SLC35F3: variants seen among roughly 807,000 people sequenced by gnomAD.
The protein encoded by SLC35F3 is solute carrier family 35 member F3.
A neutral mutation model predicts 49.9 loss-of-function variants in SLC35F3; 25 were observed. That is an observed-to-expected ratio of 0.50 (90% CI 0.37 to 0.70). The LOEUF is 0.70. Among genes scored for constraint, SLC35F3 ranks in the 30% least tolerant of loss-of-function variants. SLC35F3 has a pLI of 0.00. For synonymous variants in SLC35F3, 275 were observed against 265.4 expected (o/e 1.04, Z -0.35); for missense variants, 525 against 639.8 (o/e 0.82, Z 1.94).
chr1:233,974,737 C>A (rs1663052086), intron 2 of SLC35F3, among the ~76,000 whole-genome samples: 1 of 152,184 alleles, frequency 6.6e-6, no homozygotes, highest in Admixed American at 6.5e-5. Context: ...AAACGTGCAG[C>A]AAAGACATTT....
chr1:234,177,020 T>C (rs1379902630), intron 2 of SLC35F3, among the ~76,000 whole-genome samples: 1 of 152,212 alleles, frequency 6.6e-6, no homozygotes, highest in African/African-American at 2.4e-5. Flanking sequence ...TCTTGAATTG[T>C]AATTCCCACA....
chr1:234,302,086 G>A (rs1234615356), intron 3 of SLC35F3, among the ~76,000 whole-genome samples: 1 of 152,100 alleles, frequency 6.6e-6, no homozygotes, highest in Non-Finnish European at 1.5e-5. Flanking sequence ...GTCAATAGGT[G>A]CAGCAAACCA....
intron 2 of SLC35F3, among the ~76,000 whole-genome samples, chr1:233,991,982 C>T (rs932043163): frequency 6.6e-6 from 1 of 152,144 alleles, no homozygotes; most frequent in African/African-American, 2.4e-5. Flanking sequence ...TGGATAATTG[C>T]TCAAGCCTCC....
chr1:233,921,911 C>A (rs923014293), intron 2 of SLC35F3, among the ~76,000 whole-genome samples: 1 of 150,640 alleles, frequency 6.6e-6, no homozygotes, highest in Non-Finnish European at 1.5e-5. Context: ...TCTGTCCTTG[C>A]GATAGTTTGC....
intron 2 of SLC35F3, among the ~76,000 whole-genome samples, chr1:234,108,259 TTA>T (rs1329265250): frequency 1.0e-4 from 9 of 89,188 alleles, no homozygotes; most frequent in Admixed American, 4.2e-4. Context: ...ATATATATAT[TTA>T]TATATATAAA....
intron 3 of SLC35F3, among the ~76,000 whole-genome samples, chr1:234,303,814 G>A (rs1225076993): frequency 6.6e-6 from 1 of 151,922 alleles, no homozygotes; most frequent in Admixed American, 6.6e-5. Flanking sequence ...CCTTGTTGTG[G>A]TTCTTTCTTT....
intron 2 of SLC35F3, among the ~76,000 whole-genome samples, chr1:234,034,449 T>G (rs1207101077): frequency 1.3e-5 from 2 of 152,238 alleles, no homozygotes; most frequent in African/African-American, 4.8e-5. Context: ...TTCCAACTTT[T>G]CCCCATTCAG....
chr1:234,094,597 TA>T (rs1665090598), intron 2 of SLC35F3, among the ~76,000 whole-genome samples: 1 of 152,214 alleles, frequency 6.6e-6, no homozygotes, highest in South Asian at 2.1e-4. Context: ...GGACACTGTC[TA>T]ACCATTAGTG....
chr1:233,966,729 A>G (rs1397211682), intron 2 of SLC35F3, among the ~76,000 whole-genome samples: 1 of 152,266 alleles, frequency 6.6e-6, no homozygotes, highest in Non-Finnish European at 1.5e-5. Flanking sequence ...TTTCTAAATC[A>G]TAGAAAGCCT....
At chr1:234,311,253 T>A (rs1657347834) in intron 4 of SLC35F3, among the ~76,000 whole-genome samples, 1 of 152,248 alleles carries the variant, frequency 6.6e-6, no homozygotes, top group Non-Finnish European at 1.5e-5. Context: ...GCAAAATCCA[T>A]CATGAGACAC....
chr1:233,908,178 C>CA (rs11453869), intron 2 of SLC35F3, among the ~76,000 whole-genome samples: 17,457 of 146,232 alleles, frequency 0.12, 1,133 homozygotes, highest in East Asian at 0.23. Context: ...ATGATGGTTA[C>CA]AAAAAAAACA....
intron 2 of SLC35F3, among the ~76,000 whole-genome samples, chr1:234,173,372 C>T (rs544369066): frequency 5.9e-5 from 9 of 152,256 alleles, no homozygotes; most frequent in Middle Eastern, 3.4e-3. Context: ...ATGTGAGGAG[C>T]GAGAGGCCCA....
chr1:234,101,529 G>A (rs1292524620), intron 2 of SLC35F3, among the ~76,000 whole-genome samples: 1 of 152,180 alleles, frequency 6.6e-6, no homozygotes, highest in Non-Finnish European at 1.5e-5. Context: ...TCTTAGTATA[G>A]TTACTCTGAG....
chr1:234,231,292 C>G lies in SLC35F3; in HGVS notation c.284-125C>G. 1 of 790,056 alleles carries G rather than the reference C, an allele frequency of 1.3e-6. No individual in the cohort carries two copies. Among genetic ancestry groups the G allele is most frequent in the Admixed American group, 3.1e-5 (1 of 32,538 alleles). 48.9% of individuals were successfully genotyped at this position (790,056 alleles called of 1,614,324 possible). ...TCACACAGCCGCCCTGGAAGCCGCCCCTGCACCCGCTATCTCCCCGGGCCC... is the reference window on the plus strand; with the variant it reads ...TCACACAGCCGCCCTGGAAGCCGCCGCTGCACCCGCTATCTCCCCGGGCCC... On this transcript the variant is annotated intron_variant, in intron 2 of 7. Transcript: ENST00000366618. This position sits in a 1 kb window ranked among gnomAD's most constrained non-coding sequence, Gnocchi z 5.4.
intron 2 of SLC35F3, among the ~76,000 whole-genome samples, chr1:234,022,221 T>C (rs1663906901): frequency 8.7e-6 from 1 of 115,496 alleles, no homozygotes; most frequent in South Asian, 2.8e-4. Flanking sequence ...TCACTCCCTG[T>C]ATTAGTCTGG....
intron 4 of SLC35F3, among the ~76,000 whole-genome samples, chr1:234,310,524 C>A (rs1188184177): frequency 1.3e-5 from 2 of 152,188 alleles, no homozygotes; most frequent in African/African-American, 4.8e-5. Context: ...AAGCTTTCAG[C>A]AAATAAATGA....
intron 3 of SLC35F3, among the ~76,000 whole-genome samples, chr1:234,238,992 T>C (rs1481430421): frequency 6.6e-6 from 1 of 152,224 alleles, no homozygotes; most frequent in Non-Finnish European, 1.5e-5. Context: ...CCAACGCTCA[T>C]GTTTGTGTTT....
chr1:234,165,690 C>T (rs1361774567), intron 2 of SLC35F3, among the ~76,000 whole-genome samples: 1 of 151,958 alleles, frequency 6.6e-6, no homozygotes, highest in Non-Finnish European at 1.5e-5. Context: ...CTGGCTCATT[C>T]TTTTTTCTTT....
chr1:234,098,867 G>A (rs927627859), intron 2 of SLC35F3, among the ~76,000 whole-genome samples: 5 of 151,546 alleles, frequency 3.3e-5, no homozygotes, highest in Non-Finnish European at 5.9e-5. Context: ...TTCAGATGGC[G>A]GTGGTAGTGA....
Sources: allele counts gnomAD v4.1 joint callset (sites outside exome capture counted in the v4.1 genomes callset), GRCh38; gene constraint gnomAD v4.1.1; non-coding constraint Gnocchi (gnomAD v3.1); transcripts MANE v1.5; gene names NCBI Gene and HGNC (gene_info 2026-07-23, HGNC 2026-07-21).